The following EGFR variants were observed in gnomAD, a reference collection of about 807,000 sequenced individuals.
EGFR encodes the protein avian erythroblastic leukemia viral (v-erb-b) oncogene homolog.
Under a neutral mutation model 143.0 loss-of-function variants are expected in EGFR, and 58 were observed. That is an observed-to-expected ratio of 0.41 (90% confidence interval 0.33 to 0.50). The LOEUF (loss-of-function observed/expected upper bound fraction) is 0.50, where lower values mean the gene tolerates loss of function less well. EGFR is among the 20% of genes least tolerant of loss of function. The pLI is 0.39. For missense variants in EGFR, 1,307 were observed against 1,579.0 expected, an observed-to-expected ratio of 0.83 and a Z score of 2.92; for synonymous variants, 613 against 594.4, an observed-to-expected ratio of 1.03 and a Z score of -0.45.
intron 1 of EGFR, among the ~76,000 whole-genome samples, chr7:55,084,985 C>T (rs1055986579): frequency 4.6e-5 from 7 of 152,012 alleles, no homozygotes; most frequent in South Asian, 2.1e-4. Context: ...GAGAGTCAAC[C>T]GGGAGGAAGG....
At chr7:55,118,826 TC>T (rs1793027751) in intron 1 of EGFR, among the ~76,000 whole-genome samples, 1 of 152,098 alleles carries the variant, frequency 6.6e-6, no homozygotes, top group Admixed American at 6.5e-5. Flanking sequence ...CCTGAAATGC[TC>T]CCCCAAATCT....
chr7:55,046,661 A>G (rs1053559446), intron 1 of EGFR, among the ~76,000 whole-genome samples: 1 of 152,142 alleles, frequency 6.6e-6, no homozygotes, highest in Non-Finnish European at 1.5e-5. Flanking sequence ...CGCTTCTCGT[A>G]CACATTTCAT....
intron 1 of EGFR, among the ~76,000 whole-genome samples, chr7:55,077,641 G>C (rs9642564): frequency 6.6e-6 from 1 of 151,954 alleles, no homozygotes; most frequent in East Asian, 1.9e-4. Flanking sequence ...ACTCAGGGTA[G>C]GGCAGCTGCT....
chr7:55,105,503 G>A (rs1792078050), intron 1 of EGFR, among the ~76,000 whole-genome samples: 1 of 152,178 alleles, frequency 6.6e-6, no homozygotes. Flanking sequence ...AGAGAACCAG[G>A]CTCTAGTAGT....
chr7:55,135,556 T>A (rs186824395), intron 1 of EGFR, among the ~76,000 whole-genome samples: 2 of 152,290 alleles, frequency 1.3e-5, no homozygotes, highest in East Asian at 3.9e-4. Context: ...AAATTTGCTT[T>A]GTGAATAAAA....
At chr7:55,082,116 C>T (rs574902597) in intron 1 of EGFR, among the ~76,000 whole-genome samples, 3 of 152,182 alleles carry the variant, frequency 2.0e-5, no homozygotes, top group African/African-American at 7.2e-5. Context: ...TCTCACTGTA[C>T]AAAGTAGGTA....
chr7:55,112,511 G>T (rs1369977332), intron 1 of EGFR, among the ~76,000 whole-genome samples: 2 of 152,238 alleles, frequency 1.3e-5, no homozygotes, highest in Non-Finnish European at 2.9e-5. Context: ...AATCAGGCCT[G>T]GTGTGGCCAG....
chr7:55,119,266 A>T (rs1292865655), intron 1 of EGFR: 1 of 152,188 alleles, frequency 6.6e-6, no homozygotes, highest in East Asian at 1.9e-4. Context: ...CCCTTTTCCC[A>T]TGAGGTGTAA....
chr7:55,052,506 A>G (rs1431958735), intron 1 of EGFR, among the ~76,000 whole-genome samples: 1 of 152,344 alleles, frequency 6.6e-6, no homozygotes, highest in East Asian at 1.9e-4. Context: ...CAACAGTGAT[A>G]ATAATCATGA....
At chr7:55,136,835 C>T (rs1390245845) in intron 1 of EGFR, among the ~76,000 whole-genome samples, 1 of 152,170 alleles carries the variant, frequency 6.6e-6, no homozygotes, top group African/African-American at 2.4e-5. Context: ...GACTGTGTCA[C>T]CAGCATTTTG....
chr7:55,201,452 G>A (rs574073039), intron 25 of EGFR, 97 bp downstream of exon 25: 2 of 1,534,342 alleles, frequency 1.3e-6, no homozygotes, highest in African/African-American at 1.4e-5. Flanking sequence ...AAACTCACAT[G>A]GATATGAAGT....
intron 1 of EGFR, among the ~76,000 whole-genome samples, chr7:55,031,346 T>C (rs1787233290): frequency 1.3e-5 from 2 of 152,244 alleles, no homozygotes; most frequent in Admixed American, 1.3e-4. Context: ...AAAGCATCAT[T>C]ATTTTACCTT....
At chr7:55,132,023 G>T (rs1793871624) in intron 1 of EGFR, among the ~76,000 whole-genome samples, 1 of 150,386 alleles carries the variant, frequency 6.6e-6, no homozygotes, top group Admixed American at 6.6e-5. Flanking sequence ...TCGATTTTTG[G>T]TTGTCTTTTT....
intron 4 of EGFR, among the ~76,000 whole-genome samples, chr7:55,147,107 T>G (rs923852392): frequency 2.0e-5 from 3 of 152,218 alleles, no homozygotes; most frequent in Admixed American, 2.0e-4. Flanking sequence ...CTCCAGAGGC[T>G]ACCCGGCCCT....
intron 1 of EGFR, among the ~76,000 whole-genome samples, chr7:55,091,142 C>T (rs943276313): frequency 2.1e-4 from 32 of 152,094 alleles, no homozygotes; most frequent in African/African-American, 7.0e-4. Flanking sequence ...TTAAAGACCC[C>T]GATTTCTAGT....
At chr7:55,144,481 T>A (rs1367923449) in intron 3 of EGFR, among the ~76,000 whole-genome samples, 1 of 152,160 alleles carries the variant, frequency 6.6e-6, no homozygotes, top group Non-Finnish European at 1.5e-5. Context: ...GAGGCAGTGC[T>A]GGTAGGAAAG....
chr7:55,126,776 A>C (rs1793548070), intron 1 of EGFR, among the ~76,000 whole-genome samples: 1 of 152,238 alleles, frequency 6.6e-6, no homozygotes, highest in African/African-American at 2.4e-5. Context: ...GAAAATCTAG[A>C]TTATTAGCAA....
At chr7:55,087,836 T>C (rs1213748604) in intron 1 of EGFR, among the ~76,000 whole-genome samples, 16 of 152,078 alleles carry the variant, frequency 1.1e-4, no homozygotes, top group Admixed American at 8.5e-4. Flanking sequence ...CCAGGAGCAA[T>C]GGCCTTCCCA....
intron 1 of EGFR, among the ~76,000 whole-genome samples, chr7:55,115,780 G>A (rs766104322): frequency 7.9e-5 from 12 of 152,224 alleles, no homozygotes; most frequent in Non-Finnish European, 2.9e-5. Flanking sequence ...GCAGGCAGGT[G>A]TCTTTGCTGG....
Sources: gnomAD v4.1 joint callset for allele counts (sites outside exome capture counted in the v4.1 genomes callset) on GRCh38, gnomAD v4.1.1 for gene constraint, MANE v1.5 for transcripts, NCBI Gene and HGNC (gene_info 2026-07-23, HGNC 2026-07-21) for gene names.